The following GRIK1 variants were observed in gnomAD, a reference collection of about 807,000 sequenced individuals.
GRIK1 encodes the protein glutamate receptor ionotropic, kainate 1.
In GRIK1, 69 loss-of-function variants were observed where a neutral mutation model predicts 105.7. The observed-to-expected ratio is 0.65, with a 90% confidence interval of 0.54 to 0.80. The LOEUF is 0.80. GRIK1 is among the 30% of genes least tolerant of loss of function. The pLI is 0.00. For missense variants in GRIK1, 1,109 were observed against 1,167.3 expected (o/e 0.95, Z 0.73); for synonymous variants, 438 against 431.3 (o/e 1.02, Z -0.19).
intron 1 of GRIK1, among the ~76,000 whole-genome samples, chr21:29,758,581 A>T (rs2065415060): frequency 6.6e-6 from 1 of 152,162 alleles, no homozygotes; most frequent in South Asian, 2.1e-4. Flanking sequence ...ACACAGCCAA[A>T]CCATATCACA....
intron 7 of GRIK1, among the ~76,000 whole-genome samples, chr21:29,616,909 C>T (rs1006224658): frequency 1.2e-4 from 19 of 152,156 alleles, no homozygotes; most frequent in Admixed American, 1.1e-3. Flanking sequence ...GTTTCAATAA[C>T]ATTACAGTTC....
intron 1 of GRIK1, among the ~76,000 whole-genome samples, chr21:29,918,009 A>G (rs1344771860): frequency 6.6e-6 from 1 of 152,034 alleles, no homozygotes; most frequent in Non-Finnish European, 1.5e-5. Context: ...ATAGAGAAAG[A>G]TGAACTAATA....
intron 1 of GRIK1, among the ~76,000 whole-genome samples, chr21:29,751,271 A>G (rs138918019): frequency 5.3e-5 from 8 of 152,320 alleles, no homozygotes; most frequent in African/African-American, 1.9e-4. Context: ...TATTTGATAT[A>G]CCTAATAAGA....
intron 1 of GRIK1, among the ~76,000 whole-genome samples, chr21:29,910,267 A>C (rs2070769732): frequency 6.6e-6 from 1 of 152,170 alleles, no homozygotes; most frequent in African/African-American, 2.4e-5. Flanking sequence ...AATTCTTCAG[A>C]ATTAAACTTC....
chr21:29,755,396 G>T (rs1254636167), intron 1 of GRIK1, among the ~76,000 whole-genome samples: 1 of 152,208 alleles, frequency 6.6e-6, no homozygotes, highest in African/African-American at 2.4e-5. Context: ...TTTATCATGT[G>T]CCAGGCACTG....
At chr21:29,642,078 A>T (rs956120661) in intron 7 of GRIK1, among the ~76,000 whole-genome samples, 2 of 152,174 alleles carry the variant, frequency 1.3e-5, no homozygotes, top group Admixed American at 1.3e-4. Flanking sequence ...AGCTACTCCA[A>T]AGAGCCTTAT....
At chr21:29,752,955 C>T (rs1483816812) in intron 1 of GRIK1, among the ~76,000 whole-genome samples, 1 of 152,204 alleles carries the variant, frequency 6.6e-6, no homozygotes, top group African/African-American at 2.4e-5. Flanking sequence ...AAATGCTGGA[C>T]AAGTTCAGAT....
intron 15 of GRIK1, among the ~76,000 whole-genome samples, chr21:29,560,292 TTTC>T (rs1568812277): frequency 5.0e-5 from 4 of 79,812 alleles, no homozygotes; most frequent in Non-Finnish European, 9.8e-5. Flanking sequence ...TCTTTCTTTC[TTTC>T]TTTCTTTCTT....
intron 3 of GRIK1, among the ~76,000 whole-genome samples, chr21:29,675,767 G>T (rs1568962446): frequency 6.6e-6 from 1 of 152,070 alleles, no homozygotes; most frequent in South Asian, 2.1e-4. Flanking sequence ...AGCTAAGACT[G>T]CTGGAGGCTG....
rs951665867 is a variant in GRIK1 at position 29,584,688 on chromosome 21, A to G, written c.1793+2678T>C. 7.2e-5 allele frequency among the ~76,000 whole-genome samples: 11 copies of G among 152,320 alleles called. No individual in the cohort carries two copies. In the South Asian group the frequency reaches 2.1e-3, roughly 29 times the overall value. The stretch of plus-strand genomic sequence containing the variant: ...CTTTAAAAGAACATAAGAGAATACA[A>G]TTCACAACATAAATTCCAAAGTCTC... On this transcript the variant is annotated intron_variant, in intron 12 of 17. Coordinates refer to ENST00000327783, the MANE Select transcript of GRIK1 (RefSeq NM_001330994.2).
chr21:29,561,518 T>C, intron 15 of GRIK1, 106 bp downstream of exon 15: 3 of 696,080 alleles, frequency 4.3e-6, no homozygotes, highest in Non-Finnish European at 7.9e-6. Flanking sequence ...CTAATGGCAT[T>C]GTAGGCCTTC....
At chr21:29,579,402 A>T (rs6516920) in intron 13 of GRIK1, among the ~76,000 whole-genome samples, 5,774 of 152,292 alleles carry the variant, frequency 0.038, 155 homozygotes, top group African/African-American at 0.068. Context: ...TGAGTAAAAC[A>T]TTACTAGAAA....
chr21:29,671,085 T>C (rs2063151208), intron 4 of GRIK1, among the ~76,000 whole-genome samples: 2 of 152,146 alleles, frequency 1.3e-5, no homozygotes, highest in Non-Finnish European at 1.5e-5. Context: ...CTGTGATTGC[T>C]TTCAAATGCA....
At chr21:29,560,554 TTCTTTCTTTCTTTCTTTCTTTCTC>T in intron 15 of GRIK1, among the ~76,000 whole-genome samples, 1 of 121,034 alleles carries the variant, frequency 8.3e-6, no homozygotes, top group African/African-American at 3.6e-5. Flanking sequence ...CTTTCTTTCT[TTCTTTCTTTCTTTCTTTCTTTCTC>T]TCTTTCTTTC....
chr21:29,909,168 G>C (rs457474), intron 1 of GRIK1, among the ~76,000 whole-genome samples: 35,443 of 151,700 alleles, frequency 0.23, 4,939 homozygotes, highest in African/African-American at 0.39. Flanking sequence ...ATCAAGCCAC[G>C]AAATTTTTAA....
At chr21:29,939,149 G>A (rs1034033810) in intron 1 of GRIK1, among the ~76,000 whole-genome samples, 1 of 152,152 alleles carries the variant, frequency 6.6e-6, no homozygotes, top group Admixed American at 6.5e-5. Context: ...CGTTCCTGGA[G>A]CCCAGATTGA....
chr21:29,783,684 A>G (rs1253520838), intron 1 of GRIK1, among the ~76,000 whole-genome samples: 1 of 152,120 alleles, frequency 6.6e-6, no homozygotes, highest in Non-Finnish European at 1.5e-5. Context: ...TTTTACACAT[A>G]ATGCTGCATT....
chr21:29,889,242 A>G (rs1261038821), intron 1 of GRIK1, among the ~76,000 whole-genome samples: 1 of 152,202 alleles, frequency 6.6e-6, no homozygotes, highest in African/African-American at 2.4e-5. Context: ...ATACAATGAG[A>G]GTAATATATG....
chr21:29,819,032 G>A (rs2067229073), intron 1 of GRIK1, among the ~76,000 whole-genome samples: 1 of 152,018 alleles, frequency 6.6e-6, no homozygotes, highest in Non-Finnish European at 1.5e-5. Flanking sequence ...GGTAATTTAA[G>A]CAGAAAAAGG....
Sources: gnomAD v4.1 joint callset for allele counts (sites outside exome capture counted in the v4.1 genomes callset) on GRCh38, gnomAD v4.1.1 for gene constraint, MANE v1.5 for transcripts, NCBI Gene and HGNC (gene_info 2026-07-23, HGNC 2026-07-21) for gene names.